The following RAB6A variants were observed in gnomAD, a reference collection of about 807,000 sequenced individuals.
RAB6A encodes the protein ras-related protein Rab-6A.
A neutral mutation model predicts 32.3 loss-of-function variants in RAB6A; 8 were observed. The observed-to-expected ratio is 0.25, with a 90% confidence interval of 0.15 to 0.45. RAB6A has a LOEUF of 0.45. Ranked by LOEUF, RAB6A falls within the 20% of genes least tolerant of loss-of-function variation. The pLI is 1.00. For synonymous variants in RAB6A, 73 were observed against 82.1 expected, an observed-to-expected ratio of 0.89 and a Z score of 0.60; for missense variants, 104 against 249.4, an observed-to-expected ratio of 0.42 and a Z score of 3.93.
intron 1 of RAB6A, among the ~76,000 whole-genome samples, chr11:73,752,138 G>A (rs1160783247): frequency 1.3e-5 from 2 of 152,158 alleles, no homozygotes; most frequent in Non-Finnish European, 2.9e-5. Context: ...AAAATGACAA[G>A]AAAAGGTAAA....
chr11:73,709,950 C>CACAT (rs1555058393), intron 5 of RAB6A, among the ~76,000 whole-genome samples: 66 of 57,382 alleles, frequency 1.2e-3, no homozygotes, highest in African/African-American at 1.7e-3. Context: ...CACACACACA[C>CACAT]ATATATATAT....
intron 5 of RAB6A, among the ~76,000 whole-genome samples, chr11:73,712,671 G>A (rs1258772819): frequency 1.3e-5 from 2 of 148,914 alleles, no homozygotes; most frequent in Non-Finnish European, 3.0e-5. Context: ...TTTCTACTCT[G>A]TTCTACTTTT....
At chr11:73,724,764 G>T (rs1480427183) in intron 2 of RAB6A, among the ~76,000 whole-genome samples, 2 of 152,174 alleles carry the variant, frequency 1.3e-5, no homozygotes, top group Admixed American at 1.3e-4. Flanking sequence ...GGGATTACAG[G>T]CGTGAGCCAC....
At chr11:73,757,158 T>A in intron 1 of RAB6A, among the ~76,000 whole-genome samples, 1 of 98,656 alleles carries the variant, frequency 1.0e-5, no homozygotes, top group East Asian at 3.8e-4. Flanking sequence ...TTTTTTTTTT[T>A]CTTGAGACAG....
chr11:73,725,509 G>T (rs1262004814), intron 2 of RAB6A, among the ~76,000 whole-genome samples: 1 of 152,162 alleles, frequency 6.6e-6, no homozygotes, highest in Admixed American at 6.6e-5. Flanking sequence ...CATGGCTGGG[G>T]AGGCCTCACA....
At chr11:73,743,509 C>T (rs566398330) in intron 1 of RAB6A, among the ~76,000 whole-genome samples, 53 of 152,058 alleles carry the variant, frequency 3.5e-4, no homozygotes, top group Non-Finnish European at 7.2e-4. Context: ...TGCCTGTAGT[C>T]CCAACTACTC....
intron 5 of RAB6A, among the ~76,000 whole-genome samples, chr11:73,709,476 T>TTATTATTATTAC (rs1555058150): frequency 6.8e-6 from 1 of 148,122 alleles, no homozygotes; most frequent in Non-Finnish European, 1.5e-5. Context: ...ATTATTATTA[T>TTATTATTATTAC]GACTCGTGGA....
chr11:73,685,735 A>T (rs1183854046), intron 6 of RAB6A, among the ~76,000 whole-genome samples: 1 of 150,526 alleles, frequency 6.6e-6, no homozygotes, highest in Non-Finnish European at 1.5e-5. Flanking sequence ...AAAAAAAAAA[A>T]ATAGCCAGGT....
At chr11:73,717,172 C>CA (rs1565362035) in intron 4 of RAB6A, among the ~76,000 whole-genome samples, 1 of 152,044 alleles carries the variant, frequency 6.6e-6, no homozygotes, top group Non-Finnish European at 1.5e-5. Flanking sequence ...GCACCTATCT[C>CA]AAAAAAAGTC....
chr11:73,711,078 C>T (rs1565358873), intron 5 of RAB6A, among the ~76,000 whole-genome samples: 1 of 152,178 alleles, frequency 6.6e-6, no homozygotes, highest in Non-Finnish European at 1.5e-5. Flanking sequence ...ACTAGGCATG[C>T]ATTTACCACC....
intron 5 of RAB6A, among the ~76,000 whole-genome samples, chr11:73,707,777 A>C (rs1172226576): frequency 6.6e-6 from 1 of 152,074 alleles, no homozygotes; most frequent in African/African-American, 2.4e-5. Context: ...ACTTTTACAA[A>C]CTTAATAGCT....
intron 6 of RAB6A, among the ~76,000 whole-genome samples, chr11:73,703,890 C>T (rs34156390): frequency 0.016 from 2,373 of 151,854 alleles, 70 homozygotes; most frequent in African/African-American, 0.055. Context: ...ATTGGCTGGG[C>T]GTGGTGGCAT....
intron 6 of RAB6A, among the ~76,000 whole-genome samples, chr11:73,700,424 A>G (rs913095941): frequency 1.3e-5 from 2 of 151,978 alleles, no homozygotes; most frequent in Non-Finnish European, 2.9e-5. Flanking sequence ...TCTAGGAAAA[A>G]TAAATAATTA....
chr11:73,739,263 T>TTTAAAAAAAAAAA (rs1555066890), intron 1 of RAB6A, among the ~76,000 whole-genome samples: 1 of 9,378 alleles, frequency 1.1e-4, no homozygotes, highest in Non-Finnish European at 1.9e-4. Flanking sequence ...TAATAATAAT[T>TTTAAAAAAAAAAA]AAAAAAAAAA....
intron 6 of RAB6A, among the ~76,000 whole-genome samples, chr11:73,680,910 G>A (rs985904717): frequency 6.6e-6 from 1 of 152,250 alleles, no homozygotes; most frequent in African/African-American, 2.4e-5. Flanking sequence ...AGCCTGGTGA[G>A]ATGTTTACTT....
At chr11:73,736,036 A>G (rs1476792761) in intron 1 of RAB6A, among the ~76,000 whole-genome samples, 1 of 151,078 alleles carries the variant, frequency 6.6e-6, no homozygotes, top group Non-Finnish European at 1.5e-5. Flanking sequence ...GTGGCTCACC[A>G]TGGCCTCAAC....
intron 6 of RAB6A, among the ~76,000 whole-genome samples, chr11:73,698,756 C>CAT (rs1248953392): frequency 1.8e-4 from 27 of 151,166 alleles, no homozygotes; most frequent in African/African-American, 6.4e-4. Flanking sequence ...AGTCTTGTAT[C>CAT]ATACATATGT....
Position 73,711,522 on chromosome 11 carries a change from G to A in RAB6A, c.402-4009C>T, listed in dbSNP as rs529936268. On this transcript the variant is annotated intron_variant, in intron 5 of 7. Coordinates refer to ENST00000336083, the MANE Select transcript of RAB6A (RefSeq NM_198896.2). ...CCATTTTCCTTTTGTGGGCACCTGC[G>A]TTGTTTACAGTCTTTAGATATTACA... 5.3e-4 allele frequency among the ~76,000 whole-genome samples: 81 copies of A among 152,238 alleles called. 2 individuals carry two copies. The South Asian group carries it at 0.015, about 29-fold the overall frequency.
At chr11:73,694,276 G>A (rs1207438279) in intron 6 of RAB6A, among the ~76,000 whole-genome samples, 1 of 152,168 alleles carries the variant, frequency 6.6e-6, no homozygotes, top group East Asian at 1.9e-4. Flanking sequence ...CTGTTGGAAT[G>A]TTTACGTATT....
Sources: allele counts gnomAD v4.1 joint callset (sites outside exome capture counted in the v4.1 genomes callset), GRCh38; gene constraint gnomAD v4.1.1; transcripts MANE v1.5; gene names NCBI Gene and HGNC (gene_info 2026-07-23, HGNC 2026-07-21).